PHLPP1: variants seen among roughly 807,000 people sequenced by gnomAD.
PHLPP1 encodes the protein PH domain and leucine rich repeat protein phosphatase 1, also known as PH domain leucine-rich repeat-containing protein phosphatase 1.
Under a neutral mutation model 117.2 loss-of-function variants are expected in PHLPP1, and 42 were observed. The observed-to-expected ratio is 0.36, with a 90% CI of 0.28 to 0.46. The LOEUF is 0.46. Among genes scored for constraint, PHLPP1 ranks in the 20% least tolerant of loss-of-function variants. The pLI is 1.00. For missense variants in PHLPP1, 2,084 were observed against 2,241.9 expected (o/e 0.93, Z 1.42); for synonymous variants, 1,042 against 970.7 (o/e 1.07, Z -1.37).
intron 1 of PHLPP1, among the ~76,000 whole-genome samples, chr18:62,781,112 C>T (rs1251856599): frequency 3.3e-5 from 5 of 152,178 alleles, no homozygotes; most frequent in Admixed American, 6.5e-5. Flanking sequence ...TTTGGGAAAA[C>T]TATGTAACTC....
chr18:62,864,632 CAAAAT>C (rs2144365991), intron 4 of PHLPP1, among the ~76,000 whole-genome samples: 1 of 152,260 alleles, frequency 6.6e-6, no homozygotes, highest in South Asian at 2.1e-4. Flanking sequence ...AACAGTAAAA[CAAAAT>C]AAGTAAAATT....
chr18:62,822,374 C>T (rs1020486216), intron 1 of PHLPP1, among the ~76,000 whole-genome samples: 13 of 150,526 alleles, frequency 8.6e-5, no homozygotes, highest in Non-Finnish European at 1.5e-4. Context: ...CTCTGCCTCC[C>T]GGGTTCATGC....
intron 3 of PHLPP1, among the ~76,000 whole-genome samples, chr18:62,854,221 C>T (rs1262436885): frequency 6.6e-6 from 1 of 152,196 alleles, no homozygotes; most frequent in Admixed American, 6.5e-5. Flanking sequence ...TTCTGAGATC[C>T]TTTAGAAGCT....
rs1263831303 is a variant in PHLPP1 at position 62,716,325 on chromosome 18, C to T, written c.642C>T (p.Thr214=). ...VHVFDRHMAS[T]YLRPVLCTLD... ...TCTTCGACCGCCACATGGCCTCGAC[C>T]TACCTGCGCCCGGTGCTCTGCACAC... Residue 214 remains threonine, a synonymous_variant, in exon 1 of 17, where the codon ACC becomes ACT. Transcript: ENST00000262719. The surrounding 1 kb of genome is among the most constrained non-coding windows in gnomAD (Gnocchi z 5.7). 16 of 1,530,676 alleles carry T rather than the reference C, an allele frequency of 1.0e-5. No individual in the cohort carries two copies. The East Asian group carries it at 2.0e-4, about 19-fold the overall frequency. 94.8% of individuals were successfully genotyped at this position (1,530,676 alleles called of 1,614,324 possible).
intron 1 of PHLPP1, among the ~76,000 whole-genome samples, chr18:62,827,295 A>G (rs370696227): frequency 1.3e-5 from 2 of 152,334 alleles, no homozygotes; most frequent in African/African-American, 4.8e-5. Context: ...TAACATTTCT[A>G]AAGTAAAAGT....
intron 6 of PHLPP1, among the ~76,000 whole-genome samples, chr18:62,900,301 T>TAAATA (rs1358226794): frequency 6.9e-6 from 1 of 144,672 alleles, no homozygotes; most frequent in Non-Finnish European, 1.5e-5. Context: ...TGCCTTAAAA[T>TAAATA]AATAAATAAA....
chr18:62,930,076 G>A (rs1307822779), intron 10 of PHLPP1, among the ~76,000 whole-genome samples: 1 of 152,144 alleles, frequency 6.6e-6, no homozygotes, highest in African/African-American at 2.4e-5. Flanking sequence ...ACAAAAACTG[G>A]CAAGCCAGAT....
intron 1 of PHLPP1, among the ~76,000 whole-genome samples, chr18:62,773,265 A>T (rs1189319217): frequency 6.6e-6 from 1 of 152,186 alleles, no homozygotes; most frequent in Non-Finnish European, 1.5e-5. Context: ...GCTGGAAAAC[A>T]TCAAGCAGTA....
chr18:62,946,374 G>A (rs868855516), intron 12 of PHLPP1, among the ~76,000 whole-genome samples: 3 of 152,118 alleles, frequency 2.0e-5, no homozygotes, highest in East Asian at 1.9e-4. Flanking sequence ...CAAGCGATTC[G>A]CTCGCCGCAG....
intron 9 of PHLPP1, 89 bp downstream of exon 9, chr18:62,915,097 C>A: frequency 2.2e-6 from 2 of 910,944 alleles, no homozygotes; most frequent in Non-Finnish European, 3.4e-6. Flanking sequence ...GTATCATAAG[C>A]CTAAAAGAGT....
chr18:62,812,146 G>C (rs866821416), intron 1 of PHLPP1, among the ~76,000 whole-genome samples: 29 of 152,126 alleles, frequency 1.9e-4, no homozygotes, highest in African/African-American at 6.8e-4. Context: ...AGTCATCTTG[G>C]CCGAAGTCTG....
intron 6 of PHLPP1, among the ~76,000 whole-genome samples, chr18:62,896,686 A>G (rs950166164): frequency 2.0e-5 from 3 of 151,884 alleles, no homozygotes; most frequent in East Asian, 1.9e-4. Flanking sequence ...TGCAGCCTCA[A>G]ACTCCTGGGC....
chr18:62,869,555 C>G (rs1915849043), intron 4 of PHLPP1, among the ~76,000 whole-genome samples: 1 of 152,296 alleles, frequency 6.6e-6, no homozygotes, highest in South Asian at 2.1e-4. Context: ...AGTAGTTTCA[C>G]TTGTCTTTGT....
At chr18:62,855,881 T>C (rs941340599) in intron 3 of PHLPP1, among the ~76,000 whole-genome samples, 6 of 152,172 alleles carry the variant, frequency 3.9e-5, no homozygotes, top group Non-Finnish European at 7.4e-5. Flanking sequence ...GGAGGAGGTA[T>C]AAGGTCGTCT....
intron 1 of PHLPP1, among the ~76,000 whole-genome samples, chr18:62,783,999 A>G (rs1056351724): frequency 2.0e-5 from 3 of 151,658 alleles, no homozygotes; most frequent in Non-Finnish European, 3.0e-5. Context: ...GCTGCTGGCT[A>G]CAGCTCAGAG....
intron 1 of PHLPP1, among the ~76,000 whole-genome samples, chr18:62,794,595 C>T (rs1913569768): frequency 6.6e-6 from 1 of 151,990 alleles, no homozygotes; most frequent in Non-Finnish European, 1.5e-5. Context: ...GGTTGATTTT[C>T]AACTCCTGGA....
intron 12 of PHLPP1, among the ~76,000 whole-genome samples, chr18:62,952,802 T>A (rs998093290): frequency 2.6e-5 from 4 of 152,140 alleles, no homozygotes; most frequent in African/African-American, 9.7e-5. Flanking sequence ...TCTTAAAATT[T>A]ATGCGGAGAT....
In PHLPP1 at chr18:62,720,380, A is replaced by G. The variant is rs550874876; in HGVS notation, c.1576+3121A>G. Among the ~76,000 whole-genome samples the G allele has an allele frequency of 2.2e-4, 34 of 152,266 alleles. 1 individual carries two copies. The South Asian group carries it at 6.4e-3, about 29-fold the overall frequency. ...TTCTGTTCGAATTTTAGTAATGACA[A>G]AGGGTGTTGACAGAATAAAGTGCAC... On this transcript the variant is annotated intron_variant, in intron 1 of 16. Coordinates refer to ENST00000262719, the MANE Select transcript of PHLPP1 (RefSeq NM_194449.4).
intron 1 of PHLPP1, among the ~76,000 whole-genome samples, chr18:62,730,352 C>T (rs185396370): frequency 6.6e-6 from 1 of 152,134 alleles, no homozygotes; most frequent in Non-Finnish European, 1.5e-5. Flanking sequence ...TTCTTACACA[C>T]CATCCCTCCA....
Sources: gnomAD v4.1 joint callset for allele counts (sites outside exome capture counted in the v4.1 genomes callset) on GRCh38, gnomAD v4.1.1 for gene constraint, Gnocchi (gnomAD v3.1) non-coding constraint, MANE v1.5 for transcripts, NCBI Gene and HGNC (gene_info 2026-07-23, HGNC 2026-07-21) for gene names.